TTLL11: variants seen among roughly 807,000 people sequenced by gnomAD.
TTLL11 encodes the protein tubulin tyrosine ligase like 11, also known as tubulin polyglutamylase TTLL11.
Under a neutral mutation model 51.7 loss-of-function variants are expected in TTLL11, and 42 were observed. The observed-to-expected ratio is 0.81, with a 90% confidence interval of 0.64 to 1.05. The LOEUF (loss-of-function observed/expected upper bound fraction) is 1.05, where lower values mean the gene tolerates loss of function less well. TTLL11 is among the 50% of genes least tolerant of loss of function. TTLL11 has a pLI of 0.00. For synonymous variants in TTLL11, 381 were observed against 383.5 expected, an observed-to-expected ratio of 0.99 and a Z score of 0.08; for missense variants, 799 against 940.4, an observed-to-expected ratio of 0.85 and a Z score of 1.97.
chr9:121,865,653 A>T (rs140722811), intron 7 of TTLL11, among the ~76,000 whole-genome samples: 1 of 152,150 alleles, frequency 6.6e-6, no homozygotes, highest in Non-Finnish European at 1.5e-5. Context: ...CTGAAGAATC[A>T]ATCAGATAAT....
At chr9:122,065,295 G>A (rs1452385055) in intron 1 of TTLL11, among the ~76,000 whole-genome samples, 11 of 152,240 alleles carry the variant, frequency 7.2e-5, no homozygotes, top group Admixed American at 2.0e-4. Flanking sequence ...ATTTAGCCTC[G>A]CAAGAAGAAA....
chr9:122,002,211 G>C (rs1261588082), intron 3 of TTLL11, among the ~76,000 whole-genome samples: 1 of 152,182 alleles, frequency 6.6e-6, no homozygotes, highest in Non-Finnish European at 1.5e-5. Context: ...CTTCACCTGG[G>C]TGTTCATTTG....
intron 1 of TTLL11, among the ~76,000 whole-genome samples, chr9:122,090,484 C>A (rs1285395018): frequency 6.6e-6 from 1 of 152,192 alleles, no homozygotes; most frequent in Non-Finnish European, 1.5e-5. Flanking sequence ...CTCCTGCAAC[C>A]AGGGATCCAA....
rs1232607599 is a variant in TTLL11 at position 121,822,460 on chromosome 9, G to A, written c.*127C>T. 3.3e-6 allele frequency: 3 copies of A among 916,190 alleles called. No homozygotes were observed. Among genetic ancestry groups the A allele is most frequent in the Non-Finnish European group, 4.7e-6 (3 of 637,898 alleles). 56.8% of individuals were successfully genotyped at this position (916,190 alleles called of 1,614,324 possible). ...CACAGCTCAGCCGCACACAGAGACA[G>A]TTCGTGGGGACCTCAGCTGGGCCCC... On this transcript the variant is annotated 3_prime_UTR_variant, in exon 9 of 9. Coordinates refer to ENST00000321582, the MANE Select transcript of TTLL11 (RefSeq NM_001139442.2). The surrounding 1 kb of genome is among the most constrained non-coding windows in gnomAD (Gnocchi z 5.8).
At chr9:122,020,879 G>A (rs920045276) in intron 3 of TTLL11, among the ~76,000 whole-genome samples, 12 of 152,182 alleles carry the variant, frequency 7.9e-5, no homozygotes, top group East Asian at 1.9e-4. Context: ...TCCAGCCTTC[G>A]AAACTGTGAG....
intron 4 of TTLL11, among the ~76,000 whole-genome samples, chr9:121,986,465 T>C (rs1371886485): frequency 6.6e-6 from 1 of 152,242 alleles, no homozygotes; most frequent in Non-Finnish European, 1.5e-5. Flanking sequence ...AGCTTTTTGA[T>C]GGCTTACGTC....
intron 3 of TTLL11, among the ~76,000 whole-genome samples, chr9:122,006,967 G>A (rs1588199309): frequency 1.6e-5 from 2 of 122,574 alleles, no homozygotes; most frequent in South Asian, 2.9e-4. Flanking sequence ...CGGTGGCAGA[G>A]CGAGATACTC....
chr9:122,087,440 A>G (rs1251795676), intron 1 of TTLL11, among the ~76,000 whole-genome samples: 1 of 152,246 alleles, frequency 6.6e-6, no homozygotes, highest in East Asian at 1.9e-4. Context: ...CAATATAGTA[A>G]GTGTATACTT....
chr9:121,899,414 C>CAA (rs1564295631), intron 6 of TTLL11, among the ~76,000 whole-genome samples: 2 of 136,166 alleles, frequency 1.5e-5, no homozygotes, highest in Non-Finnish European at 3.2e-5. Context: ...CACACACACA[C>CAA]ACATTTAGAG....
chr9:122,052,449 A>G lies in TTLL11; in HGVS notation c.463-13081T>C, dbSNP rs192028730. On this transcript the variant is annotated intron_variant, in intron 1 of 8. Transcript: ENST00000321582. ...GTCTGTTTCCTCGATGGGAACAATA[A>G]TGTCGACTTGATTGGGTTATTACAA... Among the ~76,000 whole-genome samples the G allele has an allele frequency of 9.9e-5, 15 of 152,274 alleles. 1 individual carries two copies. The highest frequency in any genetic ancestry group is 9.2e-4 in the Admixed American group (14 of 15,294).
intron 6 of TTLL11, among the ~76,000 whole-genome samples, chr9:121,943,667 C>T (rs1841569785): frequency 6.6e-6 from 1 of 152,196 alleles, no homozygotes; most frequent in South Asian, 2.1e-4. Flanking sequence ...TGTCTCTCCA[C>T]TCTCCAGTGA....
intron 6 of TTLL11, among the ~76,000 whole-genome samples, chr9:121,968,724 T>C (rs865942289): frequency 6.7e-6 from 1 of 149,774 alleles, no homozygotes; most frequent in Middle Eastern, 3.5e-3. Context: ...GCCTGGCTAA[T>C]TTTTTTTTGT....
At chr9:122,037,060 A>G (rs993716010) in intron 2 of TTLL11, among the ~76,000 whole-genome samples, 1 of 152,180 alleles carries the variant, frequency 6.6e-6, no homozygotes, top group Admixed American at 6.5e-5. Context: ...ACTTCATTCT[A>G]TATTTCTAAT....
intron 6 of TTLL11, among the ~76,000 whole-genome samples, chr9:121,913,850 G>A (rs186969247): frequency 1.2e-4 from 19 of 152,280 alleles, no homozygotes; most frequent in African/African-American, 2.9e-4. Context: ...ACAGGGCTGC[G>A]GAAATGAAGG....
chr9:121,941,252 T>C (rs1451909524), intron 6 of TTLL11, among the ~76,000 whole-genome samples: 3 of 152,218 alleles, frequency 2.0e-5, no homozygotes, highest in Non-Finnish European at 2.9e-5. Context: ...TACTGCAAAA[T>C]GCCTTTTGCA....
rs1336461705 is a variant in TTLL11, at chr9:121,853,257, G to A, written c.1840+7080C>T. Reference sequence around the variant, plus strand: ...TCAGTGCTTGGCCTCATGCAGGCGGGAACAGCTCTGTTTCCTGGATGTTGG... The same window carrying A: ...TCAGTGCTTGGCCTCATGCAGGCGGAAACAGCTCTGTTTCCTGGATGTTGG... On this transcript the variant is annotated intron_variant, in intron 8 of 8. Transcript: ENST00000321582. The surrounding 1 kb of genome is among the most constrained non-coding windows in gnomAD (Gnocchi z 5.6). Among the ~76,000 whole-genome samples, 5 of 152,140 alleles carry A rather than the reference G, an allele frequency of 3.3e-5. No homozygotes were observed. Among genetic ancestry groups the A allele is most frequent in the African/African-American group, 9.7e-5 (4 of 41,428 alleles).
At chr9:121,954,762 C>A (rs1841969621) in intron 6 of TTLL11, among the ~76,000 whole-genome samples, 1 of 152,124 alleles carries the variant, frequency 6.6e-6, no homozygotes, top group Non-Finnish European at 1.5e-5. Flanking sequence ...CCTCAACTAG[C>A]TGGCACCTAA....
At chr9:121,855,806 C>T (rs115353034) in intron 8 of TTLL11, among the ~76,000 whole-genome samples, 2,437 of 152,292 alleles carry the variant, frequency 0.016, 70 homozygotes, top group African/African-American at 0.056. Flanking sequence ...TTGCATGTTC[C>T]AGGCCATGTG....
intron 7 of TTLL11, among the ~76,000 whole-genome samples, chr9:121,861,258 G>T (rs1014152151): frequency 2.6e-5 from 4 of 152,080 alleles, no homozygotes; most frequent in Non-Finnish European, 4.4e-5. Context: ...TATATTTTTA[G>T]TAGAGACGGA....
Sources: gnomAD v4.1 joint callset for allele counts (sites outside exome capture counted in the v4.1 genomes callset) on GRCh38, gnomAD v4.1.1 for gene constraint, Gnocchi (gnomAD v3.1) non-coding constraint, MANE v1.5 for transcripts, NCBI Gene and HGNC (gene_info 2026-07-23, HGNC 2026-07-21) for gene names.